The following SEPTIN2 variants were observed in gnomAD, a reference collection of about 807,000 sequenced individuals.
SEPTIN2 encodes septin 2, also known as septin-2.
In SEPTIN2, 34 loss-of-function variants were observed where a neutral mutation model predicts 46.5. The observed-to-expected ratio is 0.73, with a 90% CI of 0.56 to 0.97. The LOEUF (loss-of-function observed/expected upper bound fraction) is 0.97, where lower values mean the gene tolerates loss of function less well. Among genes scored for constraint, SEPTIN2 ranks in the 50% least tolerant of loss-of-function variants. SEPTIN2 has a pLI of 0.00. For missense variants in SEPTIN2, 347 were observed against 448.4 expected, an observed-to-expected ratio of 0.77 and a Z score of 2.04; for synonymous variants, 175 against 153.4, an observed-to-expected ratio of 1.14 and a Z score of -1.04.
Position 241,350,180 on chromosome 2 carries a change from T to C in SEPTIN2, c.*6T>C. On this transcript the variant is annotated 3_prime_UTR_variant, in exon 12 of 13. Coordinates refer to ENST00000391971, the MANE Select transcript of SEPTIN2 (RefSeq NM_004404.5). ...CTCTCGGGCACCACGTGTAAGGTGATGTGCACATATCAAGAAGTCAGAGGT... is the reference window on the plus strand; with the variant it reads ...CTCTCGGGCACCACGTGTAAGGTGACGTGCACATATCAAGAAGTCAGAGGT... The C allele has an allele frequency of 6.2e-7, 1 of 1,605,084 alleles. No homozygotes were observed. The highest frequency in any genetic ancestry group is 8.5e-7 in the Non-Finnish European group (1 of 1,175,934).
At chr2:241,324,375 C>T in intron 2 of SEPTIN2, 134 bp downstream of exon 2, 7 of 659,010 alleles carry the variant, frequency 1.1e-5, no homozygotes, top group South Asian at 1.9e-5. Context: ...ACAAAGAGTT[C>T]TAATTTAGTT....
intron 9 of SEPTIN2, among the ~76,000 whole-genome samples, chr2:241,344,295 C>T (rs1209068228): frequency 6.6e-6 from 1 of 152,180 alleles, no homozygotes; most frequent in Non-Finnish European, 1.5e-5. Context: ...ACCCCTGGTG[C>T]CCTGCTCACC....
rs1470294134 is a variant in SEPTIN2 at position 241,350,069 on chromosome 2, A to G, written c.985-4A>G. 2.7e-5 allele frequency: 44 copies of G among 1,613,484 alleles called. No homozygotes were observed. Among genetic ancestry groups the G allele is most frequent in the Non-Finnish European group, 3.6e-5 (42 of 1,179,698 alleles). Reference sequence around the variant, plus strand: ...AAACCTATAATGTGTGTGTGTGTTCACAGCTCCGCCGCATGCAAGAGATGA... The same window carrying G: ...AAACCTATAATGTGTGTGTGTGTTCGCAGCTCCGCCGCATGCAAGAGATGA... On this transcript the variant is annotated splice_polypyrimidine_tract_variant and splice_region_variant and intron_variant, in intron 11 of 12. Transcript: ENST00000391971.
At chr2:241,343,609 A>G in intron 8 of SEPTIN2, 143 bp from the exon 9 acceptor site, 1 of 865,432 alleles carries the variant, frequency 1.2e-6, no homozygotes, top group Non-Finnish European at 1.8e-6. Flanking sequence ...ACACTTTTCA[A>G]GAAAATGTTA....
chr2:241,345,922 C>T (rs554996834), intron 9 of SEPTIN2, among the ~76,000 whole-genome samples: 14 of 152,274 alleles, frequency 9.2e-5, no homozygotes, highest in Non-Finnish European at 1.9e-4. Context: ...GCAGAAATCC[C>T]CCTGAGAGAC....
upstream of SEPTIN2, chr2:241,315,651 T>G (rs892132935): frequency 2.0e-5 from 3 of 152,282 alleles, no homozygotes; most frequent in Non-Finnish European, 4.4e-5. Flanking sequence ...GCCATCTTGG[T>G]AAAGGAGAAG....
intron 4 of SEPTIN2, chr2:241,335,747 T>C (rs1252524415): frequency 3.4e-6 from 2 of 588,476 alleles, no homozygotes; most frequent in Admixed American, 3.3e-5. Context: ...ACAGAAATTA[T>C]AATTTTTAAC....
At chr2:241,349,713 C>T (rs935948031) in intron 11 of SEPTIN2, among the ~76,000 whole-genome samples, 1 of 152,070 alleles carries the variant, frequency 6.6e-6, no homozygotes, top group Non-Finnish European at 1.5e-5. Flanking sequence ...CCCAGCTACT[C>T]AGGAGGCTGA....
chr2:241,327,109 G>A (rs1289104715), intron 3 of SEPTIN2, among the ~76,000 whole-genome samples: 2 of 145,532 alleles, frequency 1.4e-5, no homozygotes, highest in Non-Finnish European at 3.0e-5. Context: ...CATTCACAAT[G>A]TCTAATGTCT....
intron 11 of SEPTIN2, among the ~76,000 whole-genome samples, chr2:241,348,430 C>A (rs1311328376): frequency 2.0e-5 from 3 of 152,108 alleles, no homozygotes; most frequent in Non-Finnish European, 2.9e-5. Context: ...GGGGTTTCAT[C>A]ATGTTGGCCA....
At chr2:241,323,729 T>A (rs539099010) in intron 1 of SEPTIN2, among the ~76,000 whole-genome samples, 171 of 152,320 alleles carry the variant, frequency 1.1e-3, no homozygotes, top group Admixed American at 3.3e-3. Flanking sequence ...GAATGGTGAT[T>A]AGCGCTCCCA....
intron 3 of SEPTIN2, among the ~76,000 whole-genome samples, chr2:241,330,711 A>G (rs955125650): frequency 1.2e-4 from 19 of 152,256 alleles, no homozygotes; most frequent in African/African-American, 4.1e-4. Flanking sequence ...TATCAATCCC[A>G]TTGGAACAAA....
chr2:241,336,329 C>A, intron 5 of SEPTIN2: 1 of 499,060 alleles, frequency 2.0e-6, no homozygotes, highest in Non-Finnish European at 3.5e-6. Context: ...CATCCATAGA[C>A]TGCTAGTATA....
At chr2:241,337,582 G>T (rs567508853) in intron 6 of SEPTIN2, 66 bp downstream of exon 6, 18 of 1,583,960 alleles carry the variant, frequency 1.1e-5, no homozygotes, top group African/African-American at 1.1e-4. Context: ...CCCAAACTGT[G>T]TATTTTAATA....
At chr2:241,330,894 G>A (rs549118915) in intron 3 of SEPTIN2, among the ~76,000 whole-genome samples, 11 of 152,334 alleles carry the variant, frequency 7.2e-5, no homozygotes, top group East Asian at 5.8e-4. Flanking sequence ...ATTAGGCTGA[G>A]TGCAGTGGCT....
intron 1 of SEPTIN2, chr2:241,316,511 G>A (rs1211302791): frequency 6.6e-7 from 1 of 1,515,974 alleles, no homozygotes; most frequent in East Asian, 2.6e-5. Flanking sequence ...CCCTGTCTGC[G>A]GGTACCTTCG....
In SEPTIN2 at chr2:241,316,357, C is replaced by T. The variant is rs535288094; in HGVS notation, c.-18+375C>T. The stretch of plus-strand genomic sequence containing the variant: ...CTTGGAGGGAGGATACAGGTTTAGG[C>T]CCGACAAACACTTAGAGCTTGTGTG... On this transcript the variant is annotated intron_variant, in intron 1 of 12. Coordinates refer to ENST00000391971, the MANE Select transcript of SEPTIN2 (RefSeq NM_004404.5). 9.5e-6 allele frequency: 7 copies of T among 733,382 alleles called. No individual in the cohort carries two copies. In the Admixed American group the frequency reaches 1.4e-4, roughly 15 times the overall value. The allele number at this position is 733,382 out of a possible 1,614,324, so 45.4% of individuals were successfully genotyped here.
intron 1 of SEPTIN2, chr2:241,317,166 T>G (rs2076456426): frequency 6.6e-6 from 1 of 152,270 alleles, no homozygotes; most frequent in South Asian, 2.1e-4. Context: ...ACTTCTGATT[T>G]GAGCCTCATT....
chr2:241,330,212 A>G (rs889654127), intron 3 of SEPTIN2, among the ~76,000 whole-genome samples: 1 of 152,152 alleles, frequency 6.6e-6, no homozygotes, highest in African/African-American at 2.4e-5. Context: ...GTGTGTTTCT[A>G]AAAAAATCAC....
Sources: gnomAD v4.1 joint callset for allele counts (sites outside exome capture counted in the v4.1 genomes callset) on GRCh38, gnomAD v4.1.1 for gene constraint, MANE v1.5 for transcripts, NCBI Gene and HGNC (gene_info 2026-07-23, HGNC 2026-07-21) for gene names.